Variants in HBS1L observed in about 807,000 individuals in gnomAD.
HBS1L encodes the protein HBS1-like protein.
HBS1L carries 55 observed loss-of-function variants against 88.9 expected under a neutral mutation model. The observed-to-expected ratio is 0.62, with a 90% CI of 0.50 to 0.77. The LOEUF (loss-of-function observed/expected upper bound fraction) is 0.77. Ranked by LOEUF, HBS1L falls within the 30% of genes least tolerant of loss-of-function variation. HBS1L has a pLI of 0.00. For synonymous variants in HBS1L, 267 were observed against 288.5 expected (o/e 0.93, Z 0.76); for missense variants, 741 against 829.3 (o/e 0.89, Z 1.31).
chr6:135,038,024 CTCCTT>C (rs1236141029), intron 4 of HBS1L: 1 of 1,497,826 alleles, frequency 6.7e-7, no homozygotes, highest in Non-Finnish European at 8.9e-7. Flanking sequence ...GAAAATAAGA[CTCCTT>C]ACCTTACAAG....
chr6:134,973,216 G>T (rs868765997), intron 15 of HBS1L, among the ~76,000 whole-genome samples: 3 of 152,164 alleles, frequency 2.0e-5, no homozygotes, highest in African/African-American at 4.8e-5. Flanking sequence ...CAGATAAATG[G>T]ATTTTTAAAA....
At position 135,035,683 on chromosome 6, in the gene HBS1L, G is replaced by A. The variant is rs572642320; in HGVS notation, c.430+3890C>T. Among the ~76,000 whole-genome samples, 269 of 147,066 alleles carry A rather than the reference G, an allele frequency of 1.8e-3. 1 individual carries two copies. The highest frequency in any genetic ancestry group is 6.3e-3 in the African/African-American group (250 of 39,632). ...GGAGAATGGCGTGAACCTGGGAGGCGGAGCTTGCAGTGAGCAGAGATCGCG... is the reference window on the plus strand; with the variant it reads ...GGAGAATGGCGTGAACCTGGGAGGCAGAGCTTGCAGTGAGCAGAGATCGCG... On this transcript the variant is annotated intron_variant, in intron 4 of 17. Coordinates refer to ENST00000367837, the MANE Select transcript of HBS1L (RefSeq NM_006620.4).
chr6:134,961,090 C>CTTTTTTTTT lies in HBS1L; in HGVS notation c.*4180_*4188dup, dbSNP rs58274929. On this transcript the variant is annotated 3_prime_UTR_variant, in exon 18 of 18. Transcript: ENST00000367837. ...TTGCTGTACAGACTTAGTTTCTTTG[C>CTTTTTTTTT]TTTTTTTTTTTTTTTTTTTGCATTG... The CTTTTTTTTT allele has an allele frequency of 1.9e-4, 20 of 106,236 alleles. 2 individuals carry two copies. Among genetic ancestry groups the CTTTTTTTTT allele is most frequent in the Non-Finnish European group, 2.0e-4 (11 of 54,256 alleles). 6.6% of individuals were successfully genotyped at this position (106,236 alleles called of 1,614,324 possible).
Position 134,960,560 on chromosome 6 carries a change from A to G in HBS1L, c.*4719T>C, listed in dbSNP as rs1192033659. 1 of 152,096 alleles carries G rather than the reference A, an allele frequency of 6.6e-6. No homozygotes were observed. Among genetic ancestry groups the G allele is most frequent in the Non-Finnish European group, 1.5e-5 (1 of 67,970 alleles). The allele number at this position is 152,096 out of a possible 1,614,324, so 9.4% of individuals were successfully genotyped here. ...TTTATTGTGCATTATACTTGTTATT[A>G]ATATGAAATTCTCTTAATTTTTTTT... On this transcript the variant is annotated 3_prime_UTR_variant, in exon 18 of 18. Transcript: ENST00000367837.
intron 15 of HBS1L, among the ~76,000 whole-genome samples, chr6:134,977,595 A>G (rs1774686248): frequency 6.6e-6 from 1 of 152,054 alleles, no homozygotes; most frequent in Admixed American, 6.6e-5. Flanking sequence ...GATCAAATTA[A>G]TATAGAAATA....
chr6:134,987,924 CAA>C (rs942776011), intron 8 of HBS1L, 133 bp from the exon 9 acceptor site: 4 of 590,316 alleles, frequency 6.8e-6, no homozygotes, highest in Admixed American at 8.4e-5. Flanking sequence ...GCAAATCAAA[CAA>C]AAGACTCCCA....
chr6:135,036,396 T>C (rs1776549403), intron 4 of HBS1L: 2 of 1,312,666 alleles, frequency 1.5e-6, no homozygotes. Flanking sequence ...GAAGACATAG[T>C]TAAAAAAAAA....
intron 12 of HBS1L, 63 bp downstream of exon 12, chr6:134,985,275 AAGG>A: frequency 1.0e-6 from 1 of 982,882 alleles, no homozygotes; most frequent in Non-Finnish European, 1.5e-6. Context: ...TAGTCCAGGA[AAGG>A]AGGTTAGGAG....
chr6:135,011,121 T>C (rs1775760719), intron 4 of HBS1L, among the ~76,000 whole-genome samples: 1 of 152,200 alleles, frequency 6.6e-6, no homozygotes, highest in Non-Finnish European at 1.5e-5. Flanking sequence ...GCATATCATA[T>C]ATAAATTCCT....
At chr6:134,979,470 A>AAC (rs764614098) in intron 13 of HBS1L, 1 of 491,928 alleles carries the variant, frequency 2.0e-6, no homozygotes, top group Non-Finnish European at 3.7e-6. Context: ...TACCACCCTA[A>AAC]ACATAAAGTG....
rs140049958 is a variant in HBS1L at position 135,007,709 on chromosome 6, G to T, written c.431-4867C>A. ...AATAGCAAGTCATAGATCAATAAGA[G>T]ATACATATATATAATCAAATCCATA... On this transcript the variant is annotated intron_variant, in intron 4 of 17. Transcript: ENST00000367837. Among the ~76,000 whole-genome samples, 861 of 152,246 alleles carry T rather than the reference G, an allele frequency of 5.7e-3. 34 individuals carry two copies. Among genetic ancestry groups the T allele is most frequent in the Admixed American group, 0.05 (758 of 15,296 alleles).
chr6:134,981,315 A>T (rs1415396820), intron 13 of HBS1L, among the ~76,000 whole-genome samples: 1 of 152,082 alleles, frequency 6.6e-6, no homozygotes, highest in Non-Finnish European at 1.5e-5. Flanking sequence ...AGATCTATAG[A>T]AAATGACACT....
intron 2 of HBS1L, among the ~76,000 whole-genome samples, chr6:135,043,886 T>C (rs1206886580): frequency 6.6e-6 from 1 of 152,226 alleles, no homozygotes; most frequent in Non-Finnish European, 1.5e-5. Context: ...GTTATGAAAT[T>C]TTATGAAATT....
chr6:134,995,731 T>C (rs115991444), intron 7 of HBS1L, among the ~76,000 whole-genome samples: 245 of 152,102 alleles, frequency 1.6e-3, no homozygotes, highest in African/African-American at 5.8e-3. Context: ...TATTGCATCA[T>C]ATACAATTAC....
At chr6:134,965,698 A>G (rs778704507) in intron 17 of HBS1L, among the ~76,000 whole-genome samples, 11 of 152,224 alleles carry the variant, frequency 7.2e-5, no homozygotes, top group Non-Finnish European at 1.2e-4. Flanking sequence ...AAATGCATTT[A>G]TGCCGCTAAA....
intron 8 of HBS1L, among the ~76,000 whole-genome samples, chr6:134,989,687 T>C (rs1327981984): frequency 6.6e-6 from 1 of 152,238 alleles, no homozygotes; most frequent in Admixed American, 6.5e-5. Context: ...ATTTACACTA[T>C]TCCTGTTTCC....
Position 135,053,396 on chromosome 6 carries a change from G to C in HBS1L, c.43+1253C>G, listed in dbSNP as rs1383834580. Among the ~76,000 whole-genome samples the C allele has an allele frequency of 4.9e-4, 75 of 152,074 alleles. 2 individuals are homozygous for C. The highest frequency in any genetic ancestry group is 4.9e-3 in the Admixed American group (75 of 15,272). ...GTACTCTAAGCACTAACTTAATGGT[G>C]GTTGAGGAAATGATAAACAACTATT... On this transcript the variant is annotated intron_variant, in intron 1 of 17. Transcript: ENST00000367837.
chr6:134,999,004 T>C (rs1775369425), intron 5 of HBS1L, among the ~76,000 whole-genome samples: 1 of 152,194 alleles, frequency 6.6e-6, no homozygotes, highest in South Asian at 2.1e-4. Flanking sequence ...AAATATTTGT[T>C]TGAATGACCA....
chr6:134,991,291 A>G (rs1304684853), intron 8 of HBS1L, among the ~76,000 whole-genome samples: 1 of 152,148 alleles, frequency 6.6e-6, no homozygotes, highest in East Asian at 1.9e-4. Flanking sequence ...ACTTTAAATT[A>G]TCTCTAGATT....
Sources: gnomAD v4.1 joint callset for allele counts (sites outside exome capture counted in the v4.1 genomes callset) on GRCh38, gnomAD v4.1.1 for gene constraint, MANE v1.5 for transcripts, NCBI Gene and HGNC (gene_info 2026-07-23, HGNC 2026-07-21) for gene names.